TBC1D5: variants seen among roughly 807,000 people sequenced by gnomAD.
The protein encoded by TBC1D5 is TBC1 domain family member 5.
TBC1D5 carries 75 observed loss-of-function variants against 100.3 expected under a neutral mutation model. That is an observed-to-expected ratio of 0.75 (90% CI 0.62 to 0.91). The LOEUF (loss-of-function observed/expected upper bound fraction) is 0.91, where lower values mean the gene tolerates loss of function less well. TBC1D5 is among the 40% of genes least tolerant of loss of function. The pLI is 0.00. For missense variants in TBC1D5, 910 were observed against 942.4 expected (o/e 0.97, Z 0.45); for synonymous variants, 323 against 325.6 (o/e 0.99, Z 0.09).
intron 15 of TBC1D5, among the ~76,000 whole-genome samples, chr3:17,275,363 A>G (rs1203032353): frequency 1.3e-5 from 2 of 152,098 alleles, no homozygotes; most frequent in Admixed American, 1.3e-4. Context: ...ACAAAGCAAG[A>G]AACCGTCTCT....
chr3:17,484,455 G>GGTGT lies in TBC1D5; in HGVS notation c.97+24015_97+24018dup, dbSNP rs34847216. On this transcript the variant is annotated intron_variant, in intron 3 of 21. Coordinates refer to ENST00000253692, the Ensembl canonical transcript of TBC1D5. ...TTTAAAGATAATAAGGTAACACCAG[G>GGTGT]GTGTGTGTGTGTGTGTGTGTGTGTG... Among the ~76,000 whole-genome samples, 536 of 111,534 alleles carry GGTGT rather than the reference G, an allele frequency of 4.8e-3. 12 individuals carry two copies. Among genetic ancestry groups the GGTGT allele is most frequent in the East Asian group, 0.012 (49 of 4,206 alleles). 73.2% of individuals were successfully genotyped at this position (111,534 alleles called of 152,430 possible).
At chr3:17,701,426 G>A (rs780191715) in intron 1 of TBC1D5, among the ~76,000 whole-genome samples, 4 of 152,018 alleles carry the variant, frequency 2.6e-5, no homozygotes, top group Non-Finnish European at 4.4e-5. Context: ...GTTTACCTAT[G>A]TATCAAACCT....
intron 16 of TBC1D5, among the ~76,000 whole-genome samples, chr3:17,254,030 A>G (rs768661405): frequency 6.0e-4 from 92 of 152,338 alleles, no homozygotes; most frequent in Non-Finnish European, 1.1e-3. Context: ...TCCCCCAGGA[A>G]CAACTCTAGT....
intron 14 of TBC1D5, 134 bp from the exon 15 acceptor site, chr3:17,292,135 G>A: frequency 1.4e-6 from 1 of 721,046 alleles, no homozygotes; most frequent in East Asian, 2.9e-5. Flanking sequence ...AAAGGGAGTA[G>A]GAAGAAGGGA....
chr3:17,292,115 T>C, intron 14 of TBC1D5, 114 bp from the exon 15 acceptor site: 1 of 863,790 alleles, frequency 1.2e-6, no homozygotes. Context: ...ATAACTCAAC[T>C]GATTTGATAA....
At chr3:17,471,857 T>C (rs1002468210) in intron 3 of TBC1D5, among the ~76,000 whole-genome samples, 1 of 152,172 alleles carries the variant, frequency 6.6e-6, no homozygotes, top group Admixed American at 6.5e-5. Flanking sequence ...TAGAATTTAA[T>C]TGATTTCCTT....
intron 17 of TBC1D5, among the ~76,000 whole-genome samples, chr3:17,233,443 A>C (rs547093953): frequency 6.6e-6 from 1 of 152,274 alleles, no homozygotes; most frequent in African/African-American, 2.4e-5. Context: ...CATATTTTGC[A>C]AAGAGGCTTG....
chr3:17,353,593 CTTT>C (rs1265008531), intron 13 of TBC1D5, among the ~76,000 whole-genome samples: 1 of 152,056 alleles, frequency 6.6e-6, no homozygotes, highest in Non-Finnish European at 1.5e-5. Context: ...AAAAACCTTG[CTTT>C]TCTTATTATC....
At chr3:17,613,513 G>A (rs1040904965) in intron 2 of TBC1D5, among the ~76,000 whole-genome samples, 20 of 152,218 alleles carry the variant, frequency 1.3e-4, no homozygotes, top group Non-Finnish European at 2.8e-4. Context: ...CAGTGTAAAA[G>A]TGTTCCTATT....
intron 17 of TBC1D5, among the ~76,000 whole-genome samples, chr3:17,216,683 C>G (rs2073675508): frequency 6.6e-6 from 1 of 152,044 alleles, no homozygotes; most frequent in African/African-American, 2.4e-5. Flanking sequence ...TCCCACCCAC[C>G]ACCAGGACTC....
At position 17,537,247 on chromosome 3, in the gene TBC1D5, C is replaced by T. The variant is rs939950518; in HGVS notation, c.-35-28642G>A. The stretch of plus-strand genomic sequence containing the variant: ...CCACATTACACTGGGTTAATAAAAA[C>T]CTAATGAGAGATGTTACTGTTTGTA... On this transcript the variant is annotated intron_variant, in intron 2 of 21. Transcript: ENST00000253692. 3.9e-5 allele frequency among the ~76,000 whole-genome samples: 6 copies of T among 152,148 alleles called. No individual in the cohort carries two copies. The East Asian group carries it at 1.2e-3, about 29-fold the overall frequency.
chr3:17,720,982 G>C (rs2075651474), intron 1 of TBC1D5, among the ~76,000 whole-genome samples: 1 of 151,886 alleles, frequency 6.6e-6, no homozygotes, highest in Non-Finnish European at 1.5e-5. Flanking sequence ...TGGGATCACA[G>C]GTGTGCACTA....
chr3:17,359,100 T>C (rs1044635168), intron 13 of TBC1D5, among the ~76,000 whole-genome samples: 3 of 151,968 alleles, frequency 2.0e-5, no homozygotes, highest in African/African-American at 7.2e-5. Context: ...AAGAAACACA[T>C]AAAGAACCAA....
chr3:17,263,903 A>T (rs2078596541), intron 15 of TBC1D5, among the ~76,000 whole-genome samples: 1 of 152,242 alleles, frequency 6.6e-6, no homozygotes, highest in Non-Finnish European at 1.5e-5. Flanking sequence ...ACTGAAATCG[A>T]TCTAAGTTAT....
intron 2 of TBC1D5, among the ~76,000 whole-genome samples, chr3:17,610,219 C>T (rs1360746085): frequency 6.6e-6 from 1 of 152,098 alleles, no homozygotes; most frequent in Non-Finnish European, 1.5e-5. Flanking sequence ...GAGTCTCATT[C>T]TTTGGCCCAG....
At chr3:17,266,837 A>G (rs1291202186) in intron 15 of TBC1D5, among the ~76,000 whole-genome samples, 4 of 152,104 alleles carry the variant, frequency 2.6e-5, no homozygotes, top group Non-Finnish European at 5.9e-5. Flanking sequence ...TAAGAATCTT[A>G]GGGCAATTGA....
chr3:17,239,168 T>C (rs2076110555), intron 16 of TBC1D5, among the ~76,000 whole-genome samples: 2 of 152,222 alleles, frequency 1.3e-5, no homozygotes, highest in Admixed American at 1.3e-4. Flanking sequence ...TTAACTACTA[T>C]ATTGCCATTG....
intron 13 of TBC1D5, among the ~76,000 whole-genome samples, chr3:17,352,700 CA>C (rs775599051): frequency 1.5e-4 from 14 of 96,504 alleles, no homozygotes; most frequent in Non-Finnish European, 2.9e-4. Context: ...AAAAAAAAAA[CA>C]AAAAAACCTA....
At chr3:17,731,625 C>A (rs889145096) in intron 1 of TBC1D5, among the ~76,000 whole-genome samples, 2 of 151,720 alleles carry the variant, frequency 1.3e-5, no homozygotes, top group African/African-American at 4.8e-5. Context: ...TACCTGGCTG[C>A]GGGGACACCA....
Sources: gnomAD v4.1 joint callset for allele counts (sites outside exome capture counted in the v4.1 genomes callset) on GRCh38, gnomAD v4.1.1 for gene constraint, MANE v1.5 for transcripts, NCBI Gene and HGNC (gene_info 2026-07-23, HGNC 2026-07-21) for gene names.